FBXL2: variants seen among roughly 807,000 people sequenced by gnomAD.
The protein encoded by FBXL2 is F-box/LRR-repeat protein 2.
Under a neutral mutation model 69.2 loss-of-function variants are expected in FBXL2, and 38 were observed. That is an observed-to-expected ratio of 0.55 (90% CI 0.42 to 0.72). The LOEUF (loss-of-function observed/expected upper bound fraction) is 0.72, where lower values mean the gene tolerates loss of function less well. Ranked by LOEUF, FBXL2 falls within the 30% of genes least tolerant of loss-of-function variation. The pLI, the probability that FBXL2 is intolerant of heterozygous loss-of-function variation, is 0.00. For missense variants in FBXL2, 354 were observed against 520.3 expected (o/e 0.68, Z 3.11); for synonymous variants, 192 against 201.3 (o/e 0.95, Z 0.39).
At chr3:33,316,184 G>T (rs1301104168) in intron 2 of FBXL2, among the ~76,000 whole-genome samples, 1 of 151,500 alleles carries the variant, frequency 6.6e-6, no homozygotes, top group Non-Finnish European at 1.5e-5. Context: ...TCAGCCTCCT[G>T]AGTAGCTGGA....
rs2033387896 is a variant in FBXL2 at position 33,277,471 on chromosome 3, C to T, written c.-42C>T. ...CCAGGACAACGGGCGTCGCCGGCGC[C>T]GTGTGACTTCGGGCTGTGGGCTCGC... On this transcript the variant is annotated 5_prime_UTR_variant, in exon 1 of 15. Coordinates refer to ENST00000484457, the MANE Select transcript of FBXL2 (RefSeq NM_012157.5). The T allele has an allele frequency of 2.4e-6, 3 of 1,274,738 alleles. No individual in the cohort carries two copies. The highest frequency in any genetic ancestry group is 3.1e-5 in the African/African-American group (2 of 64,882). The allele number at this position is 1,274,738 out of a possible 1,614,324, so 79.0% of individuals were successfully genotyped here.
chr3:33,393,347 CCT>C, intron 12 of FBXL2: 1 of 1,609,938 alleles, frequency 6.2e-7, no homozygotes, highest in Non-Finnish European at 8.5e-7. Context: ...CCGGTGGGAC[CCT>C]GTCTGTAAAC....
intron 9 of FBXL2, among the ~76,000 whole-genome samples, 199 bp downstream of exon 9, chr3:33,374,120 A>G (rs542371421): frequency 1.3e-5 from 2 of 152,326 alleles, no homozygotes; most frequent in Middle Eastern, 3.4e-3. Flanking sequence ...ATCATACTCA[A>G]TATAAAGCCA....
chr3:33,383,075 T>G (rs951735525), intron 13 of FBXL2: 2 of 152,226 alleles, frequency 1.3e-5, no homozygotes, highest in African/African-American at 4.8e-5. Flanking sequence ...AATCCTGCTA[T>G]CATATGCTCT....
At chr3:33,409,158 G>C in the FBXL2 span, 4 of 1,372,610 alleles carry the variant, frequency 2.9e-6, no homozygotes, top group African/African-American at 5.8e-5. Flanking sequence ...CAACCCTTTT[G>C]TAGCAGAACT....
At chr3:33,401,097 T>TTGTGGCCGGGCGCGGTGGCTCACGCC in intron 12 of FBXL2, 1 of 1,343,928 alleles carries the variant, frequency 7.4e-7, no homozygotes, top group Non-Finnish European at 1.0e-6. Flanking sequence ...AGCTGTTGCA[T>TTGTGGCCGGGCGCGGTGGCTCACGCC]TGTAACTATG....
At chr3:33,326,452 G>A (rs2038698581) in intron 2 of FBXL2, among the ~76,000 whole-genome samples, 2 of 150,742 alleles carry the variant, frequency 1.3e-5, no homozygotes, top group Admixed American at 1.3e-4. Flanking sequence ...GCAGTGAGCC[G>A]AGATCGCTCT....
At chr3:33,308,398 T>C (rs981063633) in intron 2 of FBXL2, among the ~76,000 whole-genome samples, 5 of 152,226 alleles carry the variant, frequency 3.3e-5, no homozygotes, top group African/African-American at 1.2e-4. Flanking sequence ...ATTTATATCA[T>C]ATGAGAAACT....
chr3:33,347,786 G>A (rs544559738), intron 2 of FBXL2, among the ~76,000 whole-genome samples: 12 of 152,068 alleles, frequency 7.9e-5, no homozygotes, highest in East Asian at 1.9e-4. Flanking sequence ...GTTGAGCACC[G>A]TTTCATATAC....
chr3:33,324,515 G>A (rs564789102), intron 2 of FBXL2, among the ~76,000 whole-genome samples: 5 of 152,248 alleles, frequency 3.3e-5, no homozygotes, highest in African/African-American at 1.2e-4. Flanking sequence ...TCAGTTTTCT[G>A]CATATGGCTA....
chr3:33,301,771 G>A (rs1181985264), intron 2 of FBXL2, among the ~76,000 whole-genome samples: 1 of 152,154 alleles, frequency 6.6e-6, no homozygotes, highest in East Asian at 1.9e-4. Flanking sequence ...TATAACAGTG[G>A]AAGTACTTAA....
At chr3:33,364,337 G>C in intron 4 of FBXL2, 1 of 404,336 alleles carries the variant, frequency 2.5e-6, no homozygotes, top group South Asian at 2.6e-5. Flanking sequence ...CCTAACCCCA[G>C]GGCTAAGGCT....
At chr3:33,277,386 C>A, upstream of FBXL2, 1 of 1,045,598 alleles carries the variant, frequency 9.6e-7, no homozygotes. Context: ...TGCTCGCCGA[C>A]CACCAATGGC....
chr3:33,282,240 G>A (rs1370614049), intron 1 of FBXL2, among the ~76,000 whole-genome samples: 1 of 152,142 alleles, frequency 6.6e-6, no homozygotes, highest in East Asian at 1.9e-4. Context: ...ATAAGGAAGG[G>A]ATCCAGTTTC....
intron 2 of FBXL2, among the ~76,000 whole-genome samples, chr3:33,340,818 G>C (rs2039959942): frequency 1.3e-5 from 2 of 150,046 alleles, no homozygotes; most frequent in Admixed American, 1.3e-4. Context: ...CTTGAACCTG[G>C]GAGATGGAGG....
At chr3:33,277,207 C>A, upstream of FBXL2, 4 of 353,040 alleles carry the variant, frequency 1.1e-5, no homozygotes, top group East Asian at 4.2e-5. Flanking sequence ...AATCCATGGT[C>A]TCTTTCAGCT....
intron 12 of FBXL2, chr3:33,397,769 T>C (rs1400264224): frequency 6.6e-6 from 1 of 152,194 alleles, no homozygotes; most frequent in African/African-American, 2.4e-5. Flanking sequence ...ACGATGTCAT[T>C]TACAAGTGTA....
In FBXL2 at chr3:33,385,538, C is replaced by T. The variant is rs2043374708; in HGVS notation, c.1202C>T (p.Ala401Val). 6.2e-7 allele frequency: 1 copy of T among 1,613,962 alleles called. No individual in the cohort carries two copies. Among genetic ancestry groups the T allele is most frequent in the African/African-American group, 1.3e-5 (1 of 74,892 alleles). The change falls in exon 15 of 15, where the codon GCT becomes GTT. Residue 401 changes from alanine (A) to valine (V), a missense_variant. By Grantham distance (64) the Ala-to-Val change is moderately conservative (BLOSUM62 0). Transcript: ENST00000484457. ...CATGTCAAAGTCCACGCCTACTTTG[C>T]TCCCGTCACCCCACCGACAGCAGTG... Reference protein sequence around the residue: ...LPHVKVHAYFAPVTPPTAVAG... With the variant: ...LPHVKVHAYFVPVTPPTAVAG...
chr3:33,319,843 C>G (rs1251193756), intron 2 of FBXL2, among the ~76,000 whole-genome samples: 1 of 152,140 alleles, frequency 6.6e-6, no homozygotes, highest in Non-Finnish European at 1.5e-5. Context: ...AGGAAAATGT[C>G]ACTTTATTTT....
Sources: gnomAD v4.1 joint callset for allele counts (sites outside exome capture counted in the v4.1 genomes callset) on GRCh38, gnomAD v4.1.1 for gene constraint, MANE v1.5 for transcripts, NCBI Gene and HGNC (gene_info 2026-07-23, HGNC 2026-07-21) for gene names.